The following FNDC3B variants were observed in gnomAD, a reference collection of about 807,000 sequenced individuals.
FNDC3B encodes fibronectin type III domain-containing protein 3B.
In FNDC3B, 12 loss-of-function variants were observed where a neutral mutation model predicts 151.5. That is an observed-to-expected ratio of 0.08 (90% CI 0.05 to 0.13). The LOEUF (loss-of-function observed/expected upper bound fraction) is 0.13, where lower values mean the gene tolerates loss of function less well. FNDC3B is among the 10% of genes least tolerant of loss of function. FNDC3B has a pLI of 1.00. For synonymous variants in FNDC3B, 528 were observed against 549.0 expected (o/e 0.96, Z 0.54); for missense variants, 1,214 against 1,505.3 (o/e 0.81, Z 3.20).
chr3:172,153,963 T>C (rs143580633), intron 3 of FNDC3B, among the ~76,000 whole-genome samples: 177 of 152,094 alleles, frequency 1.2e-3, no homozygotes, highest in African/African-American at 4.2e-3. Context: ...TGGTAGGAAC[T>C]GGAGAAAAGG....
rs766885781 is a variant in FNDC3B at position 172,362,685 on chromosome 3, A to G, written c.2848A>G (p.Ile950Val). Residue 950 changes from isoleucine (I) to valine (V), a missense_variant, in exon 23 of 26, where the codon ATT becomes GTT. Ile to Val is a conservative substitution (Grantham distance 29, BLOSUM62 3). Coordinates refer to ENST00000415807, the MANE Select transcript of FNDC3B (RefSeq NM_022763.4). ...TGGAGCTGGACCATTTAGTCAGTTC[A>G]TTAAAGCAAAAACTCGGCCATTACC... ...EIGAGPFSQF[I>V]KAKTRPLPPL... The G allele has an allele frequency of 1.2e-6, 2 of 1,614,080 alleles. No individual in the cohort carries two copies. The highest frequency in any genetic ancestry group is 1.7e-6 in the Non-Finnish European group (2 of 1,179,996).
At chr3:172,277,969 A>T (rs751917734) in intron 6 of FNDC3B, among the ~76,000 whole-genome samples, 1 of 152,180 alleles carries the variant, frequency 6.6e-6, no homozygotes, top group African/African-American at 2.4e-5. Flanking sequence ...ACTTTTTCAT[A>T]TGCTGGAACT....
chr3:172,072,512 T>C (rs1293963544), intron 1 of FNDC3B, among the ~76,000 whole-genome samples: 1 of 152,178 alleles, frequency 6.6e-6, no homozygotes, highest in African/African-American at 2.4e-5. Flanking sequence ...AACAAAATCC[T>C]GTTTGATCAC....
At chr3:172,310,952 C>A in intron 11 of FNDC3B, 71 bp downstream of exon 11, 1 of 1,077,172 alleles carries the variant, frequency 9.3e-7, no homozygotes, top group Non-Finnish European at 1.4e-6. Flanking sequence ...CAAATGCCAT[C>A]TTATTCTTTT....
At chr3:172,371,115 C>A (rs1734860008) in intron 23 of FNDC3B, among the ~76,000 whole-genome samples, 1 of 152,092 alleles carries the variant, frequency 6.6e-6, no homozygotes, top group African/African-American at 2.4e-5. Flanking sequence ...AACACCCTCC[C>A]CCCTTGCCCA....
At chr3:172,351,623 G>A (rs1485625262) in intron 21 of FNDC3B, among the ~76,000 whole-genome samples, 2 of 152,232 alleles carry the variant, frequency 1.3e-5, no homozygotes, top group Admixed American at 6.5e-5. Context: ...TCTGATTGCT[G>A]TGAATTTAGA....
chr3:172,059,580 A>G (rs941717314), intron 1 of FNDC3B, among the ~76,000 whole-genome samples: 3 of 152,192 alleles, frequency 2.0e-5, no homozygotes, highest in East Asian at 1.9e-4. Flanking sequence ...CCTCTGTTAT[A>G]GATTGTCTGA....
chr3:172,042,073 T>A (rs533119241), intron 1 of FNDC3B, among the ~76,000 whole-genome samples: 33 of 147,120 alleles, frequency 2.2e-4, no homozygotes, highest in African/African-American at 7.9e-4. Flanking sequence ...TTAAATTACT[T>A]TAAGATAAAA....
intron 21 of FNDC3B, among the ~76,000 whole-genome samples, chr3:172,350,845 C>T (rs1365984307): frequency 3.3e-5 from 5 of 152,040 alleles, no homozygotes; most frequent in Non-Finnish European, 7.4e-5. Context: ...CAGACCCTGT[C>T]TCAAAAACAA....
intron 13 of FNDC3B, among the ~76,000 whole-genome samples, chr3:172,331,054 T>C (rs916091677): frequency 6.6e-6 from 1 of 152,224 alleles, no homozygotes; most frequent in African/African-American, 2.4e-5. Flanking sequence ...CACCTGTGGA[T>C]TATTGCAATA....
chr3:172,185,486 A>T (rs9683219), intron 3 of FNDC3B, among the ~76,000 whole-genome samples: 1 of 152,082 alleles, frequency 6.6e-6, no homozygotes, highest in Non-Finnish European at 1.5e-5. Context: ...ACTGGGGAAG[A>T]TAGAGACATT....
intron 6 of FNDC3B, among the ~76,000 whole-genome samples, chr3:172,281,213 TTATATTTA>T (rs1231902677): frequency 0.024 from 2,551 of 104,256 alleles, 30 homozygotes; most frequent in Middle Eastern, 0.046. Context: ...TTATTATTAT[TTATATTTA>T]TTTATTTATT....
intron 3 of FNDC3B, among the ~76,000 whole-genome samples, chr3:172,194,504 T>C (rs923365035): frequency 1.3e-5 from 2 of 152,236 alleles, no homozygotes; most frequent in African/African-American, 2.4e-5. Context: ...GGATTCTACC[T>C]TACTGCTTCT....
chr3:172,209,640 C>T (rs1725623374), intron 3 of FNDC3B, among the ~76,000 whole-genome samples: 2 of 152,238 alleles, frequency 1.3e-5, no homozygotes, highest in South Asian at 4.1e-4. Context: ...CAAGGAAGTT[C>T]TCACTCCCAG....
chr3:172,377,468 C>G (rs779480042), intron 23 of FNDC3B, among the ~76,000 whole-genome samples: 3 of 152,120 alleles, frequency 2.0e-5, no homozygotes, highest in Non-Finnish European at 4.4e-5. Flanking sequence ...ATTGTGAAAA[C>G]GTTGTTTTCA....
At chr3:172,120,112 C>T (rs1720461001) in intron 2 of FNDC3B, among the ~76,000 whole-genome samples, 1 of 152,044 alleles carries the variant, frequency 6.6e-6, no homozygotes, top group African/African-American at 2.4e-5. Context: ...TGTGGCACCC[C>T]CAATAATTAG....
chr3:172,363,037 C>A (rs1734441199), intron 23 of FNDC3B, among the ~76,000 whole-genome samples, 192 bp downstream of exon 23: 1 of 149,682 alleles, frequency 6.7e-6, no homozygotes, highest in African/African-American at 2.4e-5. Flanking sequence ...TCTAAACATT[C>A]TAAAGATCCT....
chr3:172,369,424 A>G (rs1734775462), intron 23 of FNDC3B, among the ~76,000 whole-genome samples: 1 of 152,142 alleles, frequency 6.6e-6, no homozygotes, highest in African/African-American at 2.4e-5. Context: ...ATATAAATAA[A>G]TCTCCATTTT....
chr3:172,063,164 T>C (rs1365643388), intron 1 of FNDC3B, among the ~76,000 whole-genome samples: 1 of 152,232 alleles, frequency 6.6e-6, no homozygotes, highest in Non-Finnish European at 1.5e-5. Flanking sequence ...CCATTTTTCT[T>C]CAAATGTTCC....
Sources: gnomAD v4.1 joint callset for allele counts (sites outside exome capture counted in the v4.1 genomes callset) on GRCh38, gnomAD v4.1.1 for gene constraint, MANE v1.5 for transcripts, NCBI Gene and HGNC (gene_info 2026-07-23, HGNC 2026-07-21) for gene names.